The following ING1 variants were observed in gnomAD, a reference collection of about 807,000 sequenced individuals.
The protein encoded by ING1 is inhibitor of growth family member 1.
A neutral mutation model predicts 23.1 loss-of-function variants in ING1; 4 were observed. The observed-to-expected ratio is 0.17, with a 90% CI of 0.09 to 0.40. The LOEUF (loss-of-function observed/expected upper bound fraction) is 0.40, where lower values mean the gene tolerates loss of function less well. Among genes scored for constraint, ING1 ranks in the 10% least tolerant of loss-of-function variants. The pLI is 1.00. For synonymous variants in ING1, 179 were observed against 166.4 expected, an observed-to-expected ratio of 1.08 and a Z score of -0.58; for missense variants, 256 against 393.8, an observed-to-expected ratio of 0.65 and a Z score of 2.96.
Position 110,719,465 on chromosome 13 carries a change from A to C in ING1, c.373A>C (p.Asn125His), listed in dbSNP as rs750894946. 1 of 1,612,936 alleles carries C rather than the reference A, an allele frequency of 6.2e-7. No homozygotes were observed. The highest frequency in any genetic ancestry group is 8.5e-7 in the Non-Finnish European group (1 of 1,179,596). Residue 125 changes from asparagine to histidine, a missense_variant, in exon 2 of 2, where the codon AAC becomes CAC. By Grantham distance (68) the Asn-to-His change is moderately conservative (BLOSUM62 1). Around this residue, in one of 3 missense-constraint regions of ING1, gnomAD observed 209 missense variants for 273.8 expected, o/e 0.76. Coordinates refer to ENST00000333219, the MANE Select transcript of ING1 (RefSeq NM_198219.3). The surrounding 1 kb of genome is among the most constrained non-coding windows in gnomAD (Gnocchi z 8.9). ...AQQELGDTAG[N>H]SGKAGADRPK... ...GCAGGAGCTGGGCGACACAGCGGGC[A>C]ACAGCGGCAAGGCTGGCGCGGACAG...
chr13:110,719,019 TTTGTG>T lies in ING1; in HGVS notation c.137-179_137-175del, dbSNP rs56258926. On this transcript the variant is annotated intron_variant, in intron 1 of 1. Coordinates refer to ENST00000333219, the MANE Select transcript of ING1 (RefSeq NM_198219.3). The surrounding 1 kb of genome is among the most constrained non-coding windows in gnomAD (Gnocchi z 8.9). ...TGCCGCTGTGGAAGCTGGGCCGGCA[TTTGTG>T]TTGTGTTGTGTTGTGTTGTGTTGTG... is the stretch of plus-strand genomic sequence containing the variant. Among the ~76,000 whole-genome samples, 659 of 148,550 alleles carry T rather than the reference TTTGTG, an allele frequency of 4.4e-3. 5 individuals carry two copies. The highest frequency in any genetic ancestry group is 0.013 in the African/African-American group (523 of 39,908).
At chr13:110,713,152 T>G (rs1490341394), upstream of ING1, 39 of 1,430,430 alleles carry the variant, frequency 2.7e-5, no homozygotes, top group Admixed American at 5.7e-5. Context: ...CCCCGCCTCC[T>G]CTTCATCGTG....
chr13:110,718,788 T>G (rs1052058471), intron 1 of ING1, among the ~76,000 whole-genome samples: 3 of 152,128 alleles, frequency 2.0e-5, no homozygotes, highest in South Asian at 4.1e-4. Context: ...TAATGTTATA[T>G]GTATATTAAT....
At chr13:110,713,061 G>GCC, upstream of ING1, 1 of 1,459,486 alleles carries the variant, frequency 6.9e-7, no homozygotes, top group South Asian at 1.4e-5. Context: ...TTCCGCCCGT[G>GCC]CCCGGCCCTC....
intron 1 of ING1, among the ~76,000 whole-genome samples, chr13:110,717,348 C>G (rs2064132215): frequency 6.6e-6 from 1 of 152,126 alleles, no homozygotes; most frequent in African/African-American, 2.4e-5. Flanking sequence ...TCAAAGCTGT[C>G]TTTAGTTTGA....
Position 110,721,965 on chromosome 13 carries a change from A to G in ING1, c.*2033A>G, listed in dbSNP as rs1394798306. ...TCTGTGAAGCTACCTACCACAAAGA[A>G]GTAGTGAGTGATGACTTTCTAGAAT... On this transcript the variant is annotated 3_prime_UTR_variant, in exon 2 of 2. Transcript: ENST00000333219. The G allele has an allele frequency of 6.6e-6, 1 of 152,222 alleles. No homozygotes were observed. The highest frequency in any genetic ancestry group is 1.5e-5 in the Non-Finnish European group (1 of 68,030). The allele number at this position is 152,222 out of a possible 1,614,324, so 9.4% of individuals were successfully genotyped here.
In ING1 at chr13:110,719,118, C is replaced by T. The variant is rs891101052; in HGVS notation, c.137-111C>T. 3 of 993,296 alleles carry T rather than the reference C, an allele frequency of 3.0e-6. No individual in the cohort carries two copies. The highest frequency in any genetic ancestry group is 3.2e-5 in the African/African-American group (2 of 61,644). The allele number at this position is 993,296 out of a possible 1,614,324, so 61.5% of individuals were successfully genotyped here. A position where few individuals can be genotyped will look rare whatever the true frequency, so the allele number is the denominator to read the frequency against. On this transcript the variant is annotated intron_variant, in intron 1 of 1. Transcript: ENST00000333219. This position sits in a 1 kb window ranked among gnomAD's most constrained non-coding sequence, Gnocchi z 8.9. Reference sequence around the variant, plus strand: ...CTGGTGGGCTTTGTTCTGGGCAAGCCGTGCGCTGGCCCCTAGGCTCCCTGC... The same window carrying T: ...CTGGTGGGCTTTGTTCTGGGCAAGCTGTGCGCTGGCCCCTAGGCTCCCTGC...
rs373860953 is a variant in ING1, at chr13:110,719,515, G to T, written c.423G>T (p.Gln141His). Residue 141 changes from glutamine to histidine, a missense_variant, in exon 2 of 2, where the codon CAG (glutamine) becomes CAT (histidine). Coordinates refer to ENST00000333219, the MANE Select transcript of ING1 (RefSeq NM_198219.3). The surrounding 1 kb of genome is among the most constrained non-coding windows in gnomAD (Gnocchi z 8.9). ...ADRPKGEAAA[Q>H]ADKPNSKRSR... The stretch of plus-strand genomic sequence containing the variant: ...GGCCCAAAGGCGAGGCGGCAGCGCA[G>T]GCTGACAAGCCCAACAGCAAGCGCT... 1.5e-4 allele frequency: 248 copies of T among 1,611,244 alleles called. No homozygotes were observed. The highest frequency in any genetic ancestry group is 2.1e-4 in the Non-Finnish European group (244 of 1,178,958).
chr13:110,712,761 A>G, upstream of ING1: 1 of 705,382 alleles, frequency 1.4e-6, no homozygotes, highest in Admixed American at 2.0e-5. Context: ...TCCATGACAC[A>G]GGGCGGGAAG....
Position 110,714,237 on chromosome 13 carries a change from T to G in ING1, c.88T>G (p.Leu30Val). 6.3e-7 allele frequency: 1 copy of G among 1,577,782 alleles called. No homozygotes were observed. Among genetic ancestry groups the G allele is most frequent in the Non-Finnish European group, 8.6e-7 (1 of 1,163,692 alleles). ...CTCCATCGAGTCCCTGCCTTTCGAC[T>G]TGCAGAGAAATGTCTCGCTGATGCG... ...LDSIESLPFD[L>V]QRNVSLMREI... Residue 30 changes from leucine to valine, a missense_variant, in exon 1 of 2, where the codon TTG (leucine) becomes GTG (valine). Coordinates refer to ENST00000333219, the MANE Select transcript of ING1 (RefSeq NM_198219.3).
chr13:110,713,265 C>T (rs1177899390), upstream of ING1: 4 of 1,327,386 alleles, frequency 3.0e-6, no homozygotes, highest in African/African-American at 3.0e-5. Flanking sequence ...GACGAAGAGT[C>T]AGGGGCTGAG....
In ING1 at chr13:110,719,158, GACCCGTCC is replaced by G; in HGVS notation, c.137-70_137-63del. ...AGGCTCCCTGCCAGCCCTCTCCGTA[GACCCGTCC>G]GGGGCCGTGTGGGTTGTCCCGGTGT... On this transcript the variant is annotated intron_variant, in intron 1 of 1. Coordinates refer to ENST00000333219, the MANE Select transcript of ING1 (RefSeq NM_198219.3). The surrounding 1 kb of genome is among the most constrained non-coding windows in gnomAD (Gnocchi z 8.9). 2 of 1,492,634 alleles carry G rather than the reference GACCCGTCC, an allele frequency of 1.3e-6. No homozygotes were observed. The highest frequency in any genetic ancestry group is 1.8e-6 in the Non-Finnish European group (2 of 1,087,894). 92.5% of individuals were successfully genotyped at this position (1,492,634 alleles called of 1,614,324 possible).
chr13:110,716,064 G>T, intron 1 of ING1: 2 of 1,471,754 alleles, frequency 1.4e-6, no homozygotes, highest in Non-Finnish European at 1.8e-6. Context: ...AACTTTTCTG[G>T]AAGGTGCTGT....
Position 110,719,672 on chromosome 13 carries a change from G to A in ING1, c.580G>A (p.Ala194Thr), listed in dbSNP as rs780018985. The A allele has an allele frequency of 6.2e-6, 10 of 1,613,850 alleles. 1 individual carries two copies. The South Asian group carries it at 1.1e-4, about 18-fold the overall frequency. The change falls in exon 2 of 2, where the codon GCG becomes ACG. Residue 194 changes from alanine (A) to threonine (T), a missense_variant. Coordinates refer to ENST00000333219, the MANE Select transcript of ING1 (RefSeq NM_198219.3). This position sits in a 1 kb window ranked among gnomAD's most constrained non-coding sequence, Gnocchi z 8.9. ...GAAGAAGAAGCGCTCCAAGGCCAAG[G>A]CGGAGCGAGAGGCGTCCCCTGCCGA... is the stretch of plus-strand genomic sequence containing the variant. ...SKKKKRSKAK[A>T]EREASPADLP...
chr13:110,713,375 C>T (rs1344123176), upstream of ING1: 5 of 1,051,166 alleles, frequency 4.8e-6, no homozygotes, highest in Non-Finnish European at 5.7e-6. Flanking sequence ...GGCCGCTCCC[C>T]TGCGTTTCCC....
Position 110,720,133 on chromosome 13 carries a change from G to T in ING1, c.*201G>T. ...CACGTGTAACAAGAAAGTGGTCTGT[G>T]GATCAGCATTTTAGAAACTACAAAT... On this transcript the variant is annotated 3_prime_UTR_variant, in exon 2 of 2. Transcript: ENST00000333219. 4.5e-6 allele frequency: 2 copies of T among 441,658 alleles called. No homozygotes were observed. Among genetic ancestry groups the T allele is most frequent in the East Asian group, 3.7e-5 (1 of 26,728 alleles). The allele number at this position is 441,658 out of a possible 1,614,324, so 27.4% of individuals were successfully genotyped here. A position where few individuals can be genotyped will look rare whatever the true frequency, so the allele number is the denominator to read the frequency against.
chr13:110,717,824 T>G lies in ING1; in HGVS notation c.137-1405T>G, dbSNP rs115031727. On this transcript the variant is annotated intron_variant, in intron 1 of 1. Coordinates refer to ENST00000333219, the MANE Select transcript of ING1 (RefSeq NM_198219.3). ...TGGGCAACAAGAGTGAAACTCCGTT[T>G]CAACAACAACAAAAAAAGGTAGTAT... Among the ~76,000 whole-genome samples, 308 of 152,266 alleles carry G rather than the reference T, an allele frequency of 2.0e-3. 2 individuals carry two copies. The highest frequency in any genetic ancestry group is 7.0e-3 in the African/African-American group (289 of 41,556).
chr13:110,719,225 C>T lies in ING1; in HGVS notation c.137-4C>T, dbSNP rs779407953. On this transcript the variant is annotated splice_region_variant and splice_polypyrimidine_tract_variant and intron_variant, in intron 1 of 1. Coordinates refer to ENST00000333219, the MANE Select transcript of ING1 (RefSeq NM_198219.3). The surrounding 1 kb of genome is among the most constrained non-coding windows in gnomAD (Gnocchi z 8.9). Reference sequence around the variant, plus strand: ...CGAGTGACGCCTGTCCTTCTTGCCCCCAGAGATCCTGAAGGAGCTAGACGA... The same window carrying T: ...CGAGTGACGCCTGTCCTTCTTGCCCTCAGAGATCCTGAAGGAGCTAGACGA... 1 of 1,613,118 alleles carries T rather than the reference C, an allele frequency of 6.2e-7. No individual in the cohort carries two copies. Among genetic ancestry groups the T allele is most frequent in the Non-Finnish European group, 8.5e-7 (1 of 1,179,772 alleles).
At chr13:110,712,914 G>A, upstream of ING1, 1 of 1,548,964 alleles carries the variant, frequency 6.5e-7, no homozygotes. Context: ...GGAGGGCGGT[G>A]ACGGATGGCG....
Sources: gnomAD v4.1 joint callset for allele counts (sites outside exome capture counted in the v4.1 genomes callset) on GRCh38, gnomAD v4.1.1 for gene constraint, gnomAD v4.1.1 regional missense constraint, Gnocchi (gnomAD v3.1) non-coding constraint, MANE v1.5 for transcripts, NCBI Gene and HGNC (gene_info 2026-07-23, HGNC 2026-07-21) for gene names.